The following OBSL1 variants were observed in gnomAD, a reference collection of about 807,000 sequenced individuals.
OBSL1 encodes obscurin like cytoskeletal adaptor 1.
Under a neutral mutation model 172.0 loss-of-function variants are expected in OBSL1, and 160 were observed. That is an observed-to-expected ratio of 0.93 (90% CI 0.82 to 1.06). The LOEUF (loss-of-function observed/expected upper bound fraction) is 1.06, where lower values mean the gene tolerates loss of function less well. Ranked by LOEUF, OBSL1 falls within the 50% of genes least tolerant of loss-of-function variation. OBSL1 has a pLI of 0.00. For synonymous variants in OBSL1, 1,200 were observed against 1,196.3 expected (o/e 1.00, Z -0.06); for missense variants, 2,681 against 2,715.4 (o/e 0.99, Z 0.28).
Position 219,570,807 on chromosome 2 carries a change from C to G in OBSL1, c.426G>C (p.Gly142=), listed in dbSNP as rs764783588. Residue 142 remains glycine, a synonymous_variant, in exon 1 of 21, where the codon GGG becomes GGC. Coordinates refer to ENST00000404537, the MANE Select transcript of OBSL1 (RefSeq NM_015311.3). ...CCCGGCACGTCAGCACCACCTCCGC[C>G]CCCCGCAGCACCCACTGGGATCGAG... ...TGPRSQWVLR[G]AEVVLTCRAG... 28 of 1,491,658 alleles carry G rather than the reference C, an allele frequency of 1.9e-5. No homozygotes were observed. Among genetic ancestry groups the G allele is most frequent in the South Asian group, 1.4e-4 (11 of 78,444 alleles). 92.4% of individuals were successfully genotyped at this position (1,491,658 alleles called of 1,614,324 possible).
chr2:219,555,972 G>T, intron 14 of OBSL1, 48 bp downstream of exon 14: 1 of 1,591,592 alleles, frequency 6.3e-7, no homozygotes, highest in Non-Finnish European at 8.6e-7. Flanking sequence ...GCCAGAAAAG[G>T]CTGTGGTGTA....
intron 7 of OBSL1, chr2:219,562,945 G>T: frequency 1.8e-6 from 1 of 549,520 alleles, no homozygotes. Flanking sequence ...CATTCTCTGG[G>T]TTGGGACAGG....
chr2:219,558,593 C>T, intron 9 of OBSL1, 134 bp from the exon 10 acceptor site: 1 of 1,086,460 alleles, frequency 9.2e-7, no homozygotes, highest in South Asian at 1.7e-5. Context: ...CATGGAGCAG[C>T]TGCTGTGTGC....
rs1166406794 is a variant in OBSL1 at position 219,552,979 on chromosome 2, G to C, written c.5035C>G (p.Leu1679Val). 1 of 1,530,922 alleles carries C rather than the reference G, an allele frequency of 6.5e-7. No homozygotes were observed. Among genetic ancestry groups the C allele is most frequent in the East Asian group, 2.5e-5 (1 of 39,892 alleles). The allele number at this position is 1,530,922 out of a possible 1,614,324, so 94.8% of individuals were successfully genotyped here. ...AGCTGGAGAAGGCGGCGCGTGCCGA[G>C]GGCCTGGAGCCGGAGCCGCGGGCTA... Reference protein sequence around the residue: ...TPSPRLRLQALGTRRLLQLRR... With the variant: ...TPSPRLRLQAVGTRRLLQLRR... Residue 1679 changes from leucine (L) to valine (V), a missense_variant, in exon 17 of 21, where the codon CTC becomes GTC. This residue lies in a region of OBSL1 where 1,765 missense variants were observed against 1,748.3 expected (regional missense o/e 1.01). Coordinates refer to ENST00000404537, the MANE Select transcript of OBSL1 (RefSeq NM_015311.3).
In OBSL1 at chr2:219,570,809, C is replaced by A. The variant is rs758122041; in HGVS notation, c.424G>T (p.Gly142Trp). The A allele has an allele frequency of 1.3e-6, 2 of 1,484,532 alleles. No homozygotes were observed. The highest frequency in any genetic ancestry group is 5.9e-5 in the East Asian group (2 of 34,032). 92.0% of individuals were successfully genotyped at this position (1,484,532 alleles called of 1,614,324 possible). A position where few individuals can be genotyped will look rare whatever the true frequency, so the allele number is the denominator to read the frequency against. Residue 142 changes from glycine (G) to tryptophan (W), a missense_variant, in exon 1 of 21, where the codon GGG (glycine) becomes TGG (tryptophan). Around this residue, in one of 5 missense-constraint regions of OBSL1, gnomAD observed 706 missense variants for 695.8 expected, o/e 1.01. Transcript: ENST00000404537. ...CGGCACGTCAGCACCACCTCCGCCC[C>A]CCGCAGCACCCACTGGGATCGAGGC... is the stretch of plus-strand genomic sequence containing the variant. Reference protein sequence around the residue: ...TGPRSQWVLRGAEVVLTCRAG... With the variant: ...TGPRSQWVLRWAEVVLTCRAG...
At chr2:219,565,858 T>C (rs1696851319) in intron 5 of OBSL1, among the ~76,000 whole-genome samples, 2 of 152,154 alleles carry the variant, frequency 1.3e-5, no homozygotes, top group African/African-American at 4.8e-5. Context: ...ATGCTGACAG[T>C]GAATCACCCC....
At chr2:219,547,805 G>A (rs773573058), downstream of OBSL1, 2 of 1,591,810 alleles carry the variant, frequency 1.3e-6, no homozygotes, top group East Asian at 4.5e-5. Context: ...GTTGCTGGGG[G>A]GCGGCCTGCT....
At position 219,565,514 on chromosome 2, in the gene OBSL1, T is replaced by C; in HGVS notation, c.2135A>G (p.Glu712Gly). The C allele has an allele frequency of 6.2e-7, 1 of 1,605,274 alleles. No individual in the cohort carries two copies. The highest frequency in any genetic ancestry group is 8.5e-7 in the Non-Finnish European group (1 of 1,179,372). ...VQDSAALTIQ[E>G]SPVHILSPQD... The stretch of plus-strand genomic sequence containing the variant: ...GGGGCTCAGGATGTGCACCGGGCTC[T>C]CTGTGTGGGGAGAAGTACAGATAAG... The change falls in exon 6 of 21, where the codon GAG becomes GGG. Residue 712 changes from glutamate to glycine, a missense_variant and splice_region_variant. Physicochemically the swap from Glu to Gly is moderately conservative, Grantham distance 98. Transcript: ENST00000404537.
chr2:219,547,992 G>A (rs1695428724), downstream of OBSL1: 4 of 1,587,476 alleles, frequency 2.5e-6, no homozygotes, highest in Non-Finnish European at 3.4e-6. Context: ...TGGCGAAGCT[G>A]GGCCCTGCTG....
intron 7 of OBSL1, 95 bp downstream of exon 7, chr2:219,563,260 G>T: frequency 1.5e-6 from 2 of 1,302,470 alleles, no homozygotes; most frequent in African/African-American, 1.5e-5. Context: ...CAGTAGGGGC[G>T]GGGAACAGTG....
In OBSL1 at chr2:219,557,611, A is replaced by G; in HGVS notation, c.3798T>C (p.Pro1266=). 1 of 1,539,624 alleles carries G rather than the reference A, an allele frequency of 6.5e-7. No homozygotes were observed. The highest frequency in any genetic ancestry group is 1.2e-5 in the South Asian group (1 of 83,216). The change falls in exon 12 of 21, where the codon CCT becomes CCC. Residue 1266 remains proline (P), a synonymous_variant. Coordinates refer to ENST00000404537, the MANE Select transcript of OBSL1 (RefSeq NM_015311.3). The part of the protein sequence containing the change: ...LSFTVQVAEP[P]VRVVAPEAAQ... Reference sequence around the variant, plus strand: ...CTGCCTCGGGAGCTACCACCCGCACAGGGGGCTCTGTGGAGTCAGAGCTGG... The same window carrying G: ...CTGCCTCGGGAGCTACCACCCGCACGGGGGGCTCTGTGGAGTCAGAGCTGG...
In OBSL1 at chr2:219,566,944, G is replaced by C; in HGVS notation, c.2020C>G (p.Gln674Glu). Reference sequence around the variant, plus strand: ...ATGAGTCTGTGCTGCAGACCCTTCTGCTCTATACGGTACCGCAGGGCCCCA... The same window carrying C: ...ATGAGTCTGTGCTGCAGACCCTTCTCCTCTATACGGTACCGCAGGGCCCCA... ...EPGALRYRIE[Q>E]KGLQHRLILH... The change falls in exon 5 of 21, where the codon CAG (glutamine) becomes GAG (glutamate). Residue 674 changes from glutamine (Q) to glutamate (E), a missense_variant. Coordinates refer to ENST00000404537, the MANE Select transcript of OBSL1 (RefSeq NM_015311.3). 1 of 1,613,830 alleles carries C rather than the reference G, an allele frequency of 6.2e-7. No homozygotes were observed. Among genetic ancestry groups the C allele is most frequent in the East Asian group, 2.2e-5 (1 of 44,882 alleles).
Position 219,551,663 on chromosome 2 carries a change from G to A in OBSL1, c.5549C>T (p.Pro1850Leu), listed in dbSNP as rs759583520. Reference sequence around the variant, plus strand: ...GCTGCGCATCTCATACTTATCTCCCGGGCACAGCTCGGCCCCCTCCCGCAG... The same window carrying A: ...GCTGCGCATCTCATACTTATCTCCCAGGCACAGCTCGGCCCCCTCCCGCAG... Reference protein sequence around the residue: ...CWLREGAELCPGDKYEMRSHG... With the variant: ...CWLREGAELCLGDKYEMRSHG... Residue 1850 changes from proline (P) to leucine (L), a missense_variant, in exon 20 of 21, where the codon CCG (proline) becomes CTG (leucine). By Grantham distance (98) the Pro-to-Leu change is moderately conservative. Around this residue, in one of 5 missense-constraint regions of OBSL1, gnomAD observed 1,765 missense variants for 1,748.3 expected, o/e 1.01. Transcript: ENST00000404537. The A allele has an allele frequency of 3.7e-6, 6 of 1,611,610 alleles. No homozygotes were observed. The highest frequency in any genetic ancestry group is 1.7e-5 in the Admixed American group (1 of 59,834).
At chr2:219,566,130 T>C (rs1696872072) in intron 5 of OBSL1, among the ~76,000 whole-genome samples, 1 of 152,224 alleles carries the variant, frequency 6.6e-6, no homozygotes, top group Non-Finnish European at 1.5e-5. Flanking sequence ...TATCTGCCTG[T>C]TTCCCCAGCT....
Position 219,566,878 on chromosome 2 carries a change from C to T in OBSL1, c.2086G>A (p.Gly696Ser), listed in dbSNP as rs774925266. 9.4e-6 allele frequency: 15 copies of T among 1,599,766 alleles called. No homozygotes were observed. Among genetic ancestry groups the T allele is most frequent in the Middle Eastern group, 1.7e-4 (1 of 6,026 alleles). The change falls in exon 5 of 21, where the codon GGC becomes AGC. Residue 696 changes from glycine (G) to serine (S), a missense_variant. Transcript: ENST00000404537. Reference protein sequence around the residue: ...VKHQDSGALVGFSCPGVQDSA... With the variant: ...VKHQDSGALVSFSCPGVQDSA... ...TCCTGCACGCCGGGGCAGCTGAAGC[C>T]GACCAGGGCACCGCTGTCCTGGTGC...
rs1376561022 is a variant in OBSL1, at chr2:219,567,733, G to A, written c.1519C>T (p.Leu507Phe). Residue 507 changes from leucine to phenylalanine, a missense_variant, in exon 3 of 21, where the codon CTT becomes TTT. Leu to Phe is a conservative substitution (Grantham distance 22). Transcript: ENST00000404537. Reference sequence around the variant, plus strand: ...CTGCCCTCACATTTTACTCTGAGAAGCGTAGTGGTACGGGAGTTGCCCAGG... The same window carrying A: ...CTGCCCTCACATTTTACTCTGAGAAACGTAGTGGTACGGGAGTTGCCCAGG... Reference protein sequence around the residue: ...FSLGNSRTTTLLRVKCVKHSP... With the variant: ...FSLGNSRTTTFLRVKCVKHSP... 1.2e-6 allele frequency: 2 copies of A among 1,610,862 alleles called. No homozygotes were observed.
chr2:219,558,540 C>A (rs1696216095), intron 9 of OBSL1, 81 bp from the exon 10 acceptor site: 1 of 1,434,236 alleles, frequency 7.0e-7, no homozygotes, highest in East Asian at 2.5e-5. Flanking sequence ...CTCAGCCCTC[C>A]CCACTGGCAG....
At chr2:219,547,219 CA>C, downstream of OBSL1, 1 of 318,582 alleles carries the variant, frequency 3.1e-6, no homozygotes, top group African/African-American at 2.1e-5. Flanking sequence ...ACTCTTGACT[CA>C]AAAGATTTAT....
At chr2:219,553,747 A>C in intron 15 of OBSL1, 61 bp from the exon 16 acceptor site, 1 of 1,179,114 alleles carries the variant, frequency 8.5e-7, no homozygotes, top group South Asian at 1.3e-5. Context: ...TCTTGCAGGG[A>C]CAAGGAGGAC....
Sources: gnomAD v4.1 joint callset for allele counts (sites outside exome capture counted in the v4.1 genomes callset) on GRCh38, gnomAD v4.1.1 for gene constraint, gnomAD v4.1.1 regional missense constraint, MANE v1.5 for transcripts, NCBI Gene and HGNC (gene_info 2026-07-23, HGNC 2026-07-21) for gene names.